The following ERBIN variants were observed in gnomAD, a reference collection of about 807,000 sequenced individuals.
ERBIN encodes the protein erbb2 interacting protein.
In ERBIN, 60 loss-of-function variants were observed where a neutral mutation model predicts 158.4. The ratio of observed to expected loss-of-function variants is 0.38; its 90% CI spans 0.31 to 0.47. The LOEUF (loss-of-function observed/expected upper bound fraction) is 0.47, where lower values mean the gene tolerates loss of function less well. Among genes scored for constraint, ERBIN ranks in the 20% least tolerant of loss-of-function variants. ERBIN has a pLI of 0.99. For missense variants in ERBIN, 1,610 were observed against 1,648.0 expected, an observed-to-expected ratio of 0.98 and a Z score of 0.40; for synonymous variants, 594 against 557.2, an observed-to-expected ratio of 1.07 and a Z score of -0.93.
intron 1 of ERBIN, among the ~76,000 whole-genome samples, chr5:65,955,776 T>G (rs1747041683): frequency 6.6e-6 from 1 of 152,246 alleles, no homozygotes; most frequent in Non-Finnish European, 1.5e-5. Flanking sequence ...AGGCTTTGCC[T>G]TCTGCAATTT....
chr5:65,938,232 A>G (rs750572561), intron 1 of ERBIN, among the ~76,000 whole-genome samples: 1 of 152,206 alleles, frequency 6.6e-6, no homozygotes, highest in East Asian at 1.9e-4. Flanking sequence ...TTATCTGGCT[A>G]TTTAAATAAA....
intron 10 of ERBIN, 31 bp from the exon 11 acceptor site, chr5:66,025,448 GA>G (rs1561391160): frequency 1.9e-6 from 3 of 1,550,526 alleles, no homozygotes; most frequent in East Asian, 2.3e-5. Context: ...ATTTTAAGCT[GA>G]AAAATTGTAT....
chr5:66,062,778 G>A (rs1339628310), intron 21 of ERBIN, among the ~76,000 whole-genome samples: 1 of 152,212 alleles, frequency 6.6e-6, no homozygotes, highest in South Asian at 2.1e-4. Flanking sequence ...CTCAGCTGCA[G>A]GTCTGTTGGA....
chr5:66,038,027 A>G (rs1757555913), intron 14 of ERBIN, among the ~76,000 whole-genome samples: 1 of 152,176 alleles, frequency 6.6e-6, no homozygotes, highest in Admixed American at 6.5e-5. Flanking sequence ...GAGAGGGCAA[A>G]ATAATATACA....
In ERBIN at chr5:66,017,955, TTA is replaced by T. The variant is rs199863104; in HGVS notation, c.533+3232_533+3233del. ...TTGAAGAAACTGTCTTTTCCCCATT[TTA>T]TCTTCTTGGCGCCTTTTTCTAGGAT... On this transcript the variant is annotated intron_variant, in intron 7 of 25. Coordinates refer to ENST00000284037, the MANE Select transcript of ERBIN (RefSeq NM_001253697.2). 1.1e-4 allele frequency among the ~76,000 whole-genome samples: 17 copies of T among 152,178 alleles called. No homozygotes were observed. In the East Asian group the frequency reaches 3.1e-3, roughly 28 times the overall value.
At chr5:66,043,279 G>A in intron 16 of ERBIN, 81 bp downstream of exon 16, 2 of 1,366,822 alleles carry the variant, frequency 1.5e-6, no homozygotes, top group South Asian at 1.3e-5. Context: ...ATGATGTCTG[G>A]GGATATAACA....
At chr5:66,021,006 A>G (rs1025473349) in intron 7 of ERBIN, among the ~76,000 whole-genome samples, 2 of 152,004 alleles carry the variant, frequency 1.3e-5, no homozygotes, top group Non-Finnish European at 2.9e-5. Context: ...GACTTGTACT[A>G]TATGAAAATT....
intron 14 of ERBIN, among the ~76,000 whole-genome samples, chr5:66,030,033 A>C (rs533506468): frequency 6.6e-6 from 1 of 151,514 alleles, no homozygotes; most frequent in African/African-American, 2.4e-5. Flanking sequence ...CCTTTATTAG[A>C]GTTTTGTTTT....
At position 65,928,648 on chromosome 5, in the gene ERBIN, G is replaced by A. The variant is rs115078964; in HGVS notation, c.-58+1842G>A. Among the ~76,000 whole-genome samples the A allele has an allele frequency of 6.6e-3, 1,005 of 152,072 alleles. 9 individuals are homozygous for A. Among genetic ancestry groups the A allele is most frequent in the African/African-American group, 0.024 (977 of 41,486 alleles). On this transcript the variant is annotated intron_variant, in intron 1 of 25. Coordinates refer to ENST00000284037, the MANE Select transcript of ERBIN (RefSeq NM_001253697.2). ...TCTCAGGAGAAGAGTAGTATGTTTC[G>A]ATGCAGACAACACGTTTTATGAAGT...
At chr5:65,978,478 A>G (rs1330068440) in intron 1 of ERBIN, among the ~76,000 whole-genome samples, 1 of 152,220 alleles carries the variant, frequency 6.6e-6, no homozygotes, top group Non-Finnish European at 1.5e-5. Context: ...CTTGATCTAC[A>G]CTTTGTAAAA....
At position 66,013,628 on chromosome 5, in the gene ERBIN, A is replaced by C; in HGVS notation, c.466A>C (p.Asn156His). The change falls in exon 6 of 26, where the codon AAT (asparagine) becomes CAT (histidine). Residue 156 changes from asparagine to histidine, a missense_variant. Transcript: ENST00000284037. ...TGCTTTTCTTGAGTTCTTGCCAGCA[A>C]ATTTTGGCAGGTAAATTATGGTTTC... ...NDAFLEFLPA[N>H]FGRLTKLQIL... 6.2e-7 allele frequency: 1 copy of C among 1,611,036 alleles called. No individual in the cohort carries two copies. Among genetic ancestry groups the C allele is most frequent in the Non-Finnish European group, 8.5e-7 (1 of 1,177,424 alleles).
rs1758976031 is a variant in ERBIN, at chr5:66,051,096, C to T, written c.2087+130C>T. 5 of 540,394 alleles carry T rather than the reference C, an allele frequency of 9.3e-6. No individual in the cohort carries two copies. The South Asian group carries it at 9.9e-5, about 11-fold the overall frequency. 33.5% of individuals were successfully genotyped at this position (540,394 alleles called of 1,614,324 possible). A position where few individuals can be genotyped will look rare whatever the true frequency, so the allele number is the denominator to read the frequency against. ...GGTTCCAGTAATATGTTTTATTTCC[C>T]CATTTTTATTGCTGATTTTCCATTT... is the stretch of plus-strand genomic sequence containing the variant. On this transcript the variant is annotated intron_variant, in intron 20 of 25. Coordinates refer to ENST00000284037, the MANE Select transcript of ERBIN (RefSeq NM_001253697.2).
At chr5:65,980,012 C>T (rs565058195) in intron 1 of ERBIN, among the ~76,000 whole-genome samples, 2 of 152,136 alleles carry the variant, frequency 1.3e-5, no homozygotes, top group African/African-American at 4.8e-5. Context: ...ATTGTAATTT[C>T]TAGAGCAACC....
At chr5:66,056,585 C>T (rs190428817) in intron 21 of ERBIN, among the ~76,000 whole-genome samples, 158 of 151,906 alleles carry the variant, frequency 1.0e-3, no homozygotes, top group African/African-American at 3.3e-3. Context: ...TTGAAATTCA[C>T]GGTACGGGTT....
chr5:66,063,501 G>A (rs547211570), intron 21 of ERBIN, among the ~76,000 whole-genome samples: 1 of 152,254 alleles, frequency 6.6e-6, no homozygotes, highest in African/African-American at 2.4e-5. Context: ...GTGAGGCGAT[G>A]CCTCACCCTG....
chr5:65,985,389 C>G (rs1034183083), intron 1 of ERBIN, among the ~76,000 whole-genome samples: 1 of 152,186 alleles, frequency 6.6e-6, no homozygotes, highest in Non-Finnish European at 1.5e-5. Flanking sequence ...CACGCCCGGC[C>G]CGACATTTTG....
intron 1 of ERBIN, 94 bp downstream of exon 1, chr5:65,926,900 C>G (rs868180539): frequency 2.6e-5 from 4 of 152,038 alleles, no homozygotes; most frequent in Admixed American, 6.5e-5. Flanking sequence ...CACTCTTCTC[C>G]AAGTTGCCCT....
chr5:66,078,944 T>C lies in ERBIN; in HGVS notation c.*414T>C, dbSNP rs541268435. 41 of 165,106 alleles carry C rather than the reference T, an allele frequency of 2.5e-4. No individual in the cohort carries two copies. Among genetic ancestry groups the C allele is most frequent in the Non-Finnish European group, 4.6e-4 (35 of 76,442 alleles). The allele number at this position is 165,106 out of a possible 1,614,324, so 10.2% of individuals were successfully genotyped here. ...TATGCCCTTATTTTTATTCAACTGGTATTAATGTTTTTCTCCTGAAACTAC... is the reference window on the plus strand; with the variant it reads ...TATGCCCTTATTTTTATTCAACTGGCATTAATGTTTTTCTCCTGAAACTAC... On this transcript the variant is annotated 3_prime_UTR_variant, in exon 26 of 26. Coordinates refer to ENST00000284037, the MANE Select transcript of ERBIN (RefSeq NM_001253697.2).
intron 1 of ERBIN, among the ~76,000 whole-genome samples, chr5:65,964,947 A>ATTT (rs772634145): frequency 6.6e-5 from 5 of 75,676 alleles, no homozygotes; most frequent in African/African-American, 3.8e-4. Context: ...TGTGTGTGTA[A>ATTT]TTTTTTTTTT....
Sources: allele counts gnomAD v4.1 joint callset (sites outside exome capture counted in the v4.1 genomes callset), GRCh38; gene constraint gnomAD v4.1.1; transcripts MANE v1.5; gene names NCBI Gene and HGNC (gene_info 2026-07-23, HGNC 2026-07-21).